CMC1: variants seen among roughly 807,000 people sequenced by gnomAD.
CMC1 encodes COX assembly mitochondrial protein homolog.
CMC1 carries 14 observed loss-of-function variants against 14.1 expected under a neutral mutation model. The ratio of observed to expected loss-of-function variants is 0.99; its 90% CI spans 0.66 to 1.55. The LOEUF is 1.55. Among genes scored for constraint, CMC1 ranks in the 40% most tolerant of loss-of-function variants. CMC1 has a pLI of 0.00. For missense variants in CMC1, 127 were observed against 123.8 expected, an observed-to-expected ratio of 1.03 and a Z score of -0.12; for synonymous variants, 50 against 38.4, an observed-to-expected ratio of 1.30 and a Z score of -1.12.
intron 1 of CMC1, among the ~76,000 whole-genome samples, chr3:28,243,810 C>T (rs1413932554): frequency 6.6e-6 from 1 of 152,200 alleles, no homozygotes; most frequent in Non-Finnish European, 1.5e-5. Flanking sequence ...CCTTTTCCCC[C>T]TACACAGACA....
Position 28,321,459 on chromosome 3 carries a change from T to C in CMC1, c.*1830T>C, listed in dbSNP as rs938537311. 3 of 151,432 alleles carry C rather than the reference T, an allele frequency of 2.0e-5. No individual in the cohort carries two copies. Among genetic ancestry groups the C allele is most frequent in the South Asian group, 2.1e-4 (1 of 4,822 alleles). The allele number at this position is 151,432 out of a possible 1,614,324, so 9.4% of individuals were successfully genotyped here. A position where few individuals can be genotyped will look rare whatever the true frequency, so the allele number is the denominator to read the frequency against. ...ATAAATAATATGTTCATCCTCCTTA[T>C]GTCAAAGACTAAACCATTCATTGTA... On this transcript the variant is annotated 3_prime_UTR_variant, in exon 4 of 4. Transcript: ENST00000466830.
chr3:28,260,062 G>A (rs914555104), intron 1 of CMC1, among the ~76,000 whole-genome samples: 4 of 151,992 alleles, frequency 2.6e-5, no homozygotes, highest in East Asian at 1.9e-4. Context: ...TTTTGGCATC[G>A]ATATGATTAT....
intron 2 of CMC1, among the ~76,000 whole-genome samples, chr3:28,312,955 C>T (rs889409723): frequency 6.6e-6 from 1 of 152,042 alleles, no homozygotes; most frequent in Non-Finnish European, 1.5e-5. Context: ...CTCCCGGGTT[C>T]AAGTGATTCT....
intron 1 of CMC1, 136 bp downstream of exon 1, chr3:28,241,948 C>G: frequency 1.1e-6 from 1 of 907,166 alleles, no homozygotes; most frequent in Admixed American, 4.3e-5. Context: ...CTCCTCATAC[C>G]CGGCGGCTGC....
intron 2 of CMC1, among the ~76,000 whole-genome samples, chr3:28,301,248 C>A (rs1702031335): frequency 6.6e-6 from 1 of 152,116 alleles, no homozygotes; most frequent in Non-Finnish European, 1.5e-5. Flanking sequence ...GAGACAAGGC[C>A]ATGCTCTGTT....
rs984810593 is a variant in CMC1, at chr3:28,312,864, A to G, written c.110-3469A>G. 2.3e-4 allele frequency among the ~76,000 whole-genome samples: 35 copies of G among 150,242 alleles called. 1 individual carries two copies. Among genetic ancestry groups the G allele is most frequent in the African/African-American group, 7.5e-4 (31 of 41,070 alleles). On this transcript the variant is annotated intron_variant, in intron 2 of 3. Coordinates refer to ENST00000466830, the MANE Select transcript of CMC1 (RefSeq NM_182523.2). ...ATTATATCCAAAGAATTTTTTTTAA[A>G]TTTTTTTTTTGAGACGGAGTCTCAC... is the stretch of plus-strand genomic sequence containing the variant.
At position 28,254,766 on chromosome 3, in the gene CMC1, GAAA is replaced by G. The variant is rs547940484; in HGVS notation, c.20-8520_20-8518del. ...TTGTATAGATGAAAATTATATATGT[GAAA>G]AAAAGTAACAATTTGAAATTAATTT... On this transcript the variant is annotated intron_variant, in intron 1 of 3. Transcript: ENST00000466830. 2.0e-5 allele frequency among the ~76,000 whole-genome samples: 3 copies of G among 151,950 alleles called. No homozygotes were observed. In the East Asian group the frequency reaches 5.8e-4, roughly 29 times the overall value.
At chr3:28,268,461 T>C (rs1700116105) in intron 2 of CMC1, among the ~76,000 whole-genome samples, 1 of 152,188 alleles carries the variant, frequency 6.6e-6, no homozygotes, top group Non-Finnish European at 1.5e-5. Context: ...AGAATTTTTA[T>C]TGAGAATTTG....
intron 1 of CMC1, among the ~76,000 whole-genome samples, chr3:28,248,064 A>G (rs1698919471): frequency 6.6e-6 from 1 of 152,142 alleles, no homozygotes; most frequent in Admixed American, 6.5e-5. Flanking sequence ...AATATCATAT[A>G]ACCTATGTAT....
At chr3:28,250,800 A>G (rs1224430262) in intron 1 of CMC1, among the ~76,000 whole-genome samples, 1 of 152,206 alleles carries the variant, frequency 6.6e-6, no homozygotes. Context: ...TAAAGGTGGA[A>G]CCTTGTGGGA....
At chr3:28,263,132 G>T in intron 1 of CMC1, 159 bp from the exon 2 acceptor site, 1 of 568,358 alleles carries the variant, frequency 1.8e-6, no homozygotes, top group Non-Finnish European at 3.1e-6. Flanking sequence ...ATTGCAAATA[G>T]GATGAGTTTT....
chr3:28,284,605 AG>A (rs1701074964), intron 2 of CMC1, among the ~76,000 whole-genome samples: 1 of 152,214 alleles, frequency 6.6e-6, no homozygotes, highest in South Asian at 2.1e-4. Flanking sequence ...GTCTCCTTAA[AG>A]CAGCCCATAG....
intron 1 of CMC1, among the ~76,000 whole-genome samples, chr3:28,261,711 C>T (rs1469061701): frequency 6.6e-6 from 1 of 152,082 alleles, no homozygotes; most frequent in Non-Finnish European, 1.5e-5. Context: ...AGTTGTTGCA[C>T]ATAGTAGTCA....
chr3:28,301,301 C>T (rs1055339851), intron 2 of CMC1, among the ~76,000 whole-genome samples: 2 of 152,104 alleles, frequency 1.3e-5, no homozygotes, highest in African/African-American at 2.4e-5. Flanking sequence ...CTCACTGCAG[C>T]CTTGACCTTC....
intron 1 of CMC1, among the ~76,000 whole-genome samples, chr3:28,246,603 G>C (rs2125417703): frequency 6.6e-6 from 1 of 152,190 alleles, no homozygotes; most frequent in Non-Finnish European, 1.5e-5. Context: ...TGTCTTTCCA[G>C]AGTATCCCAT....
chr3:28,279,204 G>C (rs1453160747), intron 2 of CMC1, among the ~76,000 whole-genome samples: 1 of 152,130 alleles, frequency 6.6e-6, no homozygotes, highest in Non-Finnish European at 1.5e-5. Flanking sequence ...CCCCTGCCAG[G>C]TAGGGTGGCT....
At chr3:28,289,520 G>A (rs1362047062) in intron 2 of CMC1, among the ~76,000 whole-genome samples, 1 of 151,780 alleles carries the variant, frequency 6.6e-6, no homozygotes, top group Non-Finnish European at 1.5e-5. Context: ...CTCCTTGAAA[G>A]CCAGGCAAAG....
intron 1 of CMC1, among the ~76,000 whole-genome samples, chr3:28,259,349 C>T (rs1699604002): frequency 6.6e-6 from 1 of 152,006 alleles, no homozygotes; most frequent in Non-Finnish European, 1.5e-5. Context: ...AACAATGTTA[C>T]ACCCGCAGTG....
chr3:28,295,886 G>C (rs996448727), intron 2 of CMC1, among the ~76,000 whole-genome samples: 1 of 151,888 alleles, frequency 6.6e-6, no homozygotes, highest in Non-Finnish European at 1.5e-5. Context: ...GTATTTATTG[G>C]GGGGGAAAAA....
Sources: gnomAD v4.1 joint callset for allele counts (sites outside exome capture counted in the v4.1 genomes callset) on GRCh38, gnomAD v4.1.1 for gene constraint, MANE v1.5 for transcripts, NCBI Gene and HGNC (gene_info 2026-07-23, HGNC 2026-07-21) for gene names.